NRG2: variants seen among roughly 807,000 people sequenced by gnomAD.
NRG2 encodes the protein pro-neuregulin-2, membrane-bound isoform.
NRG2 carries 27 observed loss-of-function variants against 73.9 expected under a neutral mutation model. That is an observed-to-expected ratio of 0.37 (90% CI 0.27 to 0.50). The LOEUF is 0.50. Ranked by LOEUF, NRG2 falls within the 20% of genes least tolerant of loss-of-function variation. The pLI, the probability that NRG2 is intolerant of heterozygous loss-of-function variation, is 0.96. For missense variants in NRG2, 1,126 were observed against 1,210.1 expected (o/e 0.93, Z 1.03); for synonymous variants, 532 against 541.0 (o/e 0.98, Z 0.23).
intron 6 of NRG2, among the ~76,000 whole-genome samples, chr5:139,854,665 G>T (rs1561625682): frequency 1.3e-5 from 2 of 152,196 alleles, no homozygotes; most frequent in African/African-American, 4.8e-5. Context: ...TGCCACAGAT[G>T]GGGCAGCATG....
At chr5:140,016,470 G>C (rs1219991359) in intron 1 of NRG2, among the ~76,000 whole-genome samples, 2 of 152,192 alleles carry the variant, frequency 1.3e-5, no homozygotes, top group African/African-American at 4.8e-5. Flanking sequence ...CAGTTCAGCT[G>C]TCATTCATTC....
intron 5 of NRG2, among the ~76,000 whole-genome samples, chr5:139,858,753 A>C (rs144347319): frequency 6.6e-6 from 1 of 152,000 alleles, no homozygotes; most frequent in Non-Finnish European, 1.5e-5. Flanking sequence ...CAAGGTGTAT[A>C]CTCTCAACAA....
intron 4 of NRG2, among the ~76,000 whole-genome samples, chr5:139,866,264 G>C (rs1249151418): frequency 1.3e-5 from 2 of 152,218 alleles, no homozygotes; most frequent in African/African-American, 4.8e-5. Context: ...TAGAGTTGCA[G>C]TGTACCTTCA....
At position 139,896,073 on chromosome 5, in the gene NRG2, T is replaced by A. The variant is rs1261192579; in HGVS notation, c.701-8562A>T. Among the ~76,000 whole-genome samples, 7 of 152,006 alleles carry A rather than the reference T, an allele frequency of 4.6e-5. No individual in the cohort carries two copies. In the South Asian group the frequency reaches 1.5e-3, roughly 32 times the overall value. On this transcript the variant is annotated intron_variant, in intron 1 of 9. Transcript: ENST00000361474. ...TCTGAAGCTCTGAGTCTTGGGGAAA[T>A]GTAGCAGGGGTTGGGGAAAGGGGGA...
intron 1 of NRG2, among the ~76,000 whole-genome samples, chr5:139,940,045 T>G (rs369222293): frequency 2.0e-5 from 3 of 152,132 alleles, no homozygotes; most frequent in African/African-American, 7.2e-5. Flanking sequence ...AATGGTACAG[T>G]TTGGTAGTTT....
intron 1 of NRG2, among the ~76,000 whole-genome samples, chr5:140,010,828 GA>G (rs1759306392): frequency 6.6e-6 from 1 of 152,192 alleles, no homozygotes; most frequent in South Asian, 2.1e-4. Flanking sequence ...GAAGAACTTG[GA>G]AAGCATCGGA....
chr5:140,023,470 AATCCTATAGTCTATTTTACCTTTTT>A (rs1234110507), intron 1 of NRG2, among the ~76,000 whole-genome samples: 1 of 152,208 alleles, frequency 6.6e-6, no homozygotes, highest in African/African-American at 2.4e-5. Context: ...TCGTTCTCTG[AATCCTATAGTCTATTTTACCTTTTT>A]GCAATTATTA....
intron 1 of NRG2, among the ~76,000 whole-genome samples, chr5:139,926,376 G>A (rs1161232193): frequency 6.6e-6 from 1 of 152,142 alleles, no homozygotes; most frequent in Non-Finnish European, 1.5e-5. Context: ...TGAGCCCTCT[G>A]CAGGGAGCAG....
Position 139,852,133 on chromosome 5 carries a change from G to T in NRG2, c.1544+299C>A, listed in dbSNP as rs1761478606. Among the ~76,000 whole-genome samples, 1 of 152,130 alleles carries T rather than the reference G, an allele frequency of 6.6e-6. No homozygotes were observed. The highest frequency in any genetic ancestry group is 6.5e-5 in the Admixed American group (1 of 15,272). Reference sequence around the variant, plus strand: ...TGTCTGGGACCTTTCCACCACCGTGGTCCTTAGCTACCTATCTCAGAAGCC... The same window carrying T: ...TGTCTGGGACCTTTCCACCACCGTGTTCCTTAGCTACCTATCTCAGAAGCC... On this transcript the variant is annotated intron_variant, in intron 8 of 9. Transcript: ENST00000361474. The surrounding 1 kb of genome is among the most constrained non-coding windows in gnomAD (Gnocchi z 4.4).
At chr5:139,910,001 G>A (rs931496324) in intron 1 of NRG2, among the ~76,000 whole-genome samples, 2 of 152,230 alleles carry the variant, frequency 1.3e-5, no homozygotes, top group African/African-American at 2.4e-5. Flanking sequence ...CCCTCAGTCA[G>A]TGCAGAGAAC....
At chr5:139,895,916 C>A (rs1209909367) in intron 1 of NRG2, among the ~76,000 whole-genome samples, 1 of 152,200 alleles carries the variant, frequency 6.6e-6, no homozygotes, top group Non-Finnish European at 1.5e-5. Flanking sequence ...TGGAAAGGGC[C>A]AGCTGTGGGT....
At position 140,042,946 on chromosome 5, in the gene NRG2, CGCT is replaced by C. The variant is rs756281194; in HGVS notation, c.121_123del (p.Ser41del). 1,819 of 1,469,870 alleles carry C rather than the reference CGCT, an allele frequency of 1.2e-3. No homozygotes were observed. The highest frequency in any genetic ancestry group is 1.9e-3 in the East Asian group (74 of 38,580). The allele number at this position is 1,469,870 out of a possible 1,614,324, so 91.1% of individuals were successfully genotyped here. On this transcript the variant is annotated inframe_deletion, in exon 1 of 10. Coordinates refer to ENST00000361474, the MANE Select transcript of NRG2 (RefSeq NM_004883.3). The stretch of plus-strand genomic sequence containing the variant: ...CTGCTCCTGCTGCTGCTGCCGCTCT[CGCT>C]GCTGCTGCTGCTGCTGCTGCTGCTC...
chr5:140,002,286 A>G (rs1005994799), intron 1 of NRG2, among the ~76,000 whole-genome samples: 1 of 152,238 alleles, frequency 6.6e-6, no homozygotes, highest in African/African-American at 2.4e-5. Context: ...GGAAAGAGGT[A>G]AACATCATTT....
Position 140,042,968 on chromosome 5 carries a change from G to GCTGCTC in NRG2, c.96_101dup (p.Arg32_Ser33dup), listed in dbSNP as rs1762072375. The GCTGCTC allele has an allele frequency of 2.6e-6, 4 of 1,543,012 alleles. No individual in the cohort carries two copies. The East Asian group carries it at 9.7e-5, about 37-fold the overall frequency. On this transcript the variant is annotated inframe_insertion, in exon 1 of 10. Coordinates refer to ENST00000361474, the MANE Select transcript of NRG2 (RefSeq NM_004883.3). Reference sequence around the variant, plus strand: ...TCTCGCTGCTGCTGCTGCTGCTGCTGCTGCTCCTCTCGCTGCTGCTGCTGC... The same window carrying GCTGCTC: ...TCTCGCTGCTGCTGCTGCTGCTGCTGCTGCTCCTGCTCCTCTCGCTGCTGCTGCTGC...
At chr5:139,873,571 CT>C (rs1476794225) in intron 3 of NRG2, among the ~76,000 whole-genome samples, 1 of 152,278 alleles carries the variant, frequency 6.6e-6, no homozygotes, top group African/African-American at 2.4e-5. Context: ...GCTGTACATC[CT>C]CCCCATCAGC....
chr5:139,921,662 T>C (rs1356903064), intron 1 of NRG2, among the ~76,000 whole-genome samples: 1 of 152,082 alleles, frequency 6.6e-6, no homozygotes, highest in Non-Finnish European at 1.5e-5. Flanking sequence ...TACTAGAAGA[T>C]GACATAGGAG....
intron 1 of NRG2, among the ~76,000 whole-genome samples, chr5:139,982,956 T>C (rs1039136132): frequency 6.6e-6 from 1 of 152,222 alleles, no homozygotes; most frequent in Admixed American, 6.5e-5. Flanking sequence ...TTTATCAGGC[T>C]TTATCAGCCC....
At chr5:140,038,327 T>C (rs997049726) in intron 1 of NRG2, among the ~76,000 whole-genome samples, 5 of 152,054 alleles carry the variant, frequency 3.3e-5, no homozygotes, top group Non-Finnish European at 7.4e-5. Flanking sequence ...TTGTTTAAAT[T>C]TGGGGGTGGG....
chr5:139,948,064 C>T (rs1157245387), intron 1 of NRG2, among the ~76,000 whole-genome samples: 1 of 152,094 alleles, frequency 6.6e-6, no homozygotes. Flanking sequence ...ACAATTACTC[C>T]CTATTTTCTC....
Sources: allele counts gnomAD v4.1 joint callset (sites outside exome capture counted in the v4.1 genomes callset), GRCh38; gene constraint gnomAD v4.1.1; non-coding constraint Gnocchi (gnomAD v3.1); transcripts MANE v1.5; gene names NCBI Gene and HGNC (gene_info 2026-07-23, HGNC 2026-07-21).